OLAH: variants seen among roughly 807,000 people sequenced by gnomAD.
OLAH encodes the protein S-acyl fatty acid synthase thioesterase, medium chain.
In OLAH, 33 loss-of-function variants were observed where a neutral mutation model predicts 27.8. The ratio of observed to expected loss-of-function variants is 1.19; its 90% confidence interval spans 0.90 to 1.59. The LOEUF (loss-of-function observed/expected upper bound fraction) is 1.59. Ranked by LOEUF, OLAH falls within the 40% of genes most tolerant of loss-of-function variation. The pLI, the probability that OLAH is intolerant of heterozygous loss-of-function variation, is 0.00. For missense variants in OLAH, 359 were observed against 310.8 expected (o/e 1.16, Z -1.17); for synonymous variants, 120 against 102.9 (o/e 1.17, Z -1.01).
chr10:15,060,215 G>A (rs1432109638), intron 3 of OLAH, among the ~76,000 whole-genome samples: 1 of 151,972 alleles, frequency 6.6e-6, no homozygotes, highest in Admixed American at 6.6e-5. Context: ...TGTCGTCCAG[G>A]CTGGAGTGCA....
At chr10:15,047,081 C>G in intron 1 of OLAH, 45 bp from the exon 2 acceptor site, 1 of 461,716 alleles carries the variant, frequency 2.2e-6, no homozygotes, top group Non-Finnish European at 3.9e-6. Flanking sequence ...TTTCTCTTCT[C>G]TGTCTTCTCC....
rs754331332 is a variant in OLAH at position 15,064,440 on chromosome 10, C to G, written c.340C>G (p.Leu114Val). 3.1e-6 allele frequency: 5 copies of G among 1,601,380 alleles called. No homozygotes were observed. The East Asian group carries it at 1.1e-4, about 36-fold the overall frequency. ...SYIAFRTALGLKENNQPEPLH... is the reference protein window; with the variant it reads ...SYIAFRTALGVKENNQPEPLH... ...CATTGCTTTTAGGACTGCACTAGGTCTAAAAGAAAACAATCAACCAGAACC... is the reference window on the plus strand; with the variant it reads ...CATTGCTTTTAGGACTGCACTAGGTGTAAAAGAAAACAATCAACCAGAACC... The change falls in exon 5 of 8, where the codon CTA (leucine) becomes GTA (valine). Residue 114 changes from leucine to valine, a missense_variant. Physicochemically the swap from Leu to Val is conservative, Grantham distance 32. Coordinates refer to ENST00000378228, the MANE Select transcript of OLAH (RefSeq NM_001039702.3).
intron 1 of OLAH, among the ~76,000 whole-genome samples, chr10:15,034,060 G>C (rs1274625538): frequency 2.0e-5 from 3 of 151,782 alleles, no homozygotes; most frequent in Non-Finnish European, 4.4e-5. Context: ...GAGAGAAAGA[G>C]GTGGGGGAAG....
chr10:15,035,528 C>T (rs1224760657), intron 1 of OLAH, among the ~76,000 whole-genome samples: 2 of 152,042 alleles, frequency 1.3e-5, no homozygotes, highest in Non-Finnish European at 2.9e-5. Context: ...TTCGAAGGAC[C>T]GGATCTCATG....
At chr10:15,044,893 CT>C (rs1418340466) in intron 1 of OLAH, among the ~76,000 whole-genome samples, 1 of 152,076 alleles carries the variant, frequency 6.6e-6, no homozygotes, top group Non-Finnish European at 1.5e-5. Context: ...ATAAAGATTG[CT>C]TTTTTTGTAA....
At position 15,065,533 on chromosome 10, in the gene OLAH, C is replaced by A. The variant is rs766958703; in HGVS notation, c.403-51C>A. The stretch of plus-strand genomic sequence containing the variant: ...AGATCAACAGTTTTCAGTTTATGAG[C>A]CAAGTGTGTTATATGAAATATCAGG... On this transcript the variant is annotated intron_variant, in intron 5 of 7. Transcript: ENST00000378228. 1.1e-5 allele frequency: 17 copies of A among 1,542,898 alleles called. No homozygotes were observed. In the Admixed American group the frequency reaches 3.1e-4, roughly 28 times the overall value.
chr10:15,064,792 G>A (rs926321615), intron 5 of OLAH, among the ~76,000 whole-genome samples: 1 of 152,098 alleles, frequency 6.6e-6, no homozygotes, highest in African/African-American at 2.4e-5. Flanking sequence ...TGAGTAGCTG[G>A]GACTACAGGC....
rs1360059473 is a variant in OLAH at position 15,047,234 on chromosome 10, G to A, written c.-55G>A. ...TTCGTCTCAAGAGGAACTGACTTCT[G>A]TTGAGCACTCAACACGCCACAGAGA... is the stretch of plus-strand genomic sequence containing the variant. On this transcript the variant is annotated 5_prime_UTR_variant, in exon 2 of 8. Transcript: ENST00000378228. 6.3e-7 allele frequency: 1 copy of A among 1,597,916 alleles called. No individual in the cohort carries two copies. Among genetic ancestry groups the A allele is most frequent in the Non-Finnish European group, 8.6e-7 (1 of 1,168,928 alleles).
At chr10:15,066,347 A>G (rs1844467097) in intron 6 of OLAH, among the ~76,000 whole-genome samples, 1 of 152,052 alleles carries the variant, frequency 6.6e-6, no homozygotes, top group Non-Finnish European at 1.5e-5. Context: ...TGAATAAATT[A>G]ATGCCAAAGC....
rs770517692 is a variant in OLAH at position 15,071,793 on chromosome 10, A to G, written c.573-2A>G. 4 of 1,608,500 alleles carry G rather than the reference A, an allele frequency of 2.5e-6. No homozygotes were observed. In the East Asian group the frequency reaches 8.9e-5, roughly 36 times the overall value. ...TACTAACCAGCTCTTTTATGTTTAT[A>G]GCTCTAACGTACCATCTAAGGCTGT... On this transcript the variant is annotated splice_acceptor_variant, in intron 6 of 7. Coordinates refer to ENST00000378228, the MANE Select transcript of OLAH (RefSeq NM_001039702.3). LOFTEE classifies it high-confidence loss of function.
chr10:15,059,729 C>A (rs191996470), intron 3 of OLAH, among the ~76,000 whole-genome samples: 1 of 152,280 alleles, frequency 6.6e-6, no homozygotes, highest in Admixed American at 6.5e-5. Context: ...TCACTTGAAT[C>A]TGGAAGGCAG....
intron 3 of OLAH, among the ~76,000 whole-genome samples, chr10:15,052,666 G>C (rs1844167129): frequency 6.6e-6 from 1 of 150,958 alleles, no homozygotes; most frequent in African/African-American, 2.4e-5. Context: ...TTATCAAAGA[G>C]TCTGATATCA....
chr10:15,071,712 A>G (rs1844589894), intron 6 of OLAH, 83 bp from the exon 7 acceptor site: 5 of 1,466,780 alleles, frequency 3.4e-6, no homozygotes, highest in African/African-American at 1.4e-5. Context: ...AACCCACCCC[A>G]AGTTTCATTG....
intron 3 of OLAH, among the ~76,000 whole-genome samples, chr10:15,061,504 G>T (rs1215112446): frequency 6.6e-6 from 1 of 150,830 alleles, no homozygotes. Context: ...TTTTCTTCTA[G>T]GTGTTCCCTT....
chr10:15,053,739 G>A (rs1844190889), intron 3 of OLAH, among the ~76,000 whole-genome samples: 1 of 151,484 alleles, frequency 6.6e-6, no homozygotes, highest in South Asian at 2.1e-4. Context: ...CCTTGACACA[G>A]GGTCTTGCTC....
chr10:15,035,288 G>C (rs1192987392), intron 1 of OLAH, among the ~76,000 whole-genome samples: 2 of 152,286 alleles, frequency 1.3e-5, no homozygotes, highest in Non-Finnish European at 2.9e-5. Context: ...ACTGTATTCG[G>C]CTGTTCTTGC....
chr10:15,072,760 G>A (rs1317015759), intron 7 of OLAH, among the ~76,000 whole-genome samples: 1 of 151,872 alleles, frequency 6.6e-6, no homozygotes, highest in African/African-American at 2.4e-5. Context: ...TTCCTGGCCA[G>A]AGGGGGGTTA....
intron 5 of OLAH, 69 bp from the exon 6 acceptor site, chr10:15,065,515 C>T: frequency 6.7e-7 from 1 of 1,485,564 alleles, no homozygotes; most frequent in Non-Finnish European, 9.0e-7. Flanking sequence ...CTTAGATCAA[C>T]AGTTTTCAGT....
At chr10:15,060,114 C>T (rs897098865) in intron 3 of OLAH, among the ~76,000 whole-genome samples, 2 of 152,076 alleles carry the variant, frequency 1.3e-5, no homozygotes, top group African/African-American at 4.8e-5. Context: ...TATAGTGTAC[C>T]ACAGTGTACT....
Sources: allele counts gnomAD v4.1 joint callset (sites outside exome capture counted in the v4.1 genomes callset), GRCh38; gene constraint gnomAD v4.1.1; transcripts MANE v1.5; gene names NCBI Gene and HGNC (gene_info 2026-07-23, HGNC 2026-07-21).